IRS2: variants seen among roughly 807,000 people sequenced by gnomAD.
The protein encoded by IRS2 is insulin receptor substrate 2.
In IRS2, 28 loss-of-function variants were observed where a neutral mutation model predicts 70.9. The observed-to-expected ratio is 0.39, with a 90% CI of 0.29 to 0.54. IRS2 has a LOEUF of 0.54. Among genes scored for constraint, IRS2 ranks in the 20% least tolerant of loss-of-function variants. The pLI is 0.59. For synonymous variants in IRS2, 1,217 were observed against 981.9 expected, an observed-to-expected ratio of 1.24 and a Z score of -4.48; for missense variants, 2,081 against 2,024.1, an observed-to-expected ratio of 1.03 and a Z score of -0.54.
chr13:109,758,235 A>G (rs1175906220), intron 1 of IRS2, among the ~76,000 whole-genome samples: 1 of 150,252 alleles, frequency 6.7e-6, no homozygotes, highest in East Asian at 2.0e-4. Context: ...ATGAGCTTGC[A>G]TTTTGTCCCT....
In IRS2 at chr13:109,785,574, G is replaced by A. The variant is rs1351813771; in HGVS notation, c.480C>T (p.Ala160=). The part of the protein sequence containing the change: ...AGDAPPAAAP[A]ASCSASLPGA... Reference sequence around the variant, plus strand: ...CGGGCAGGGAGGCGCTGCAGGACGCGGCGGGCGCGGCGGCGGGGGGCGCGT... The same window carrying A: ...CGGGCAGGGAGGCGCTGCAGGACGCAGCGGGCGCGGCGGCGGGGGGCGCGT... The change falls in exon 1 of 2, where the codon GCC becomes GCT. Residue 160 remains alanine (A), a synonymous_variant. Transcript: ENST00000375856. The surrounding 1 kb of genome is among the most constrained non-coding windows in gnomAD (Gnocchi z 9.3). The A allele has an allele frequency of 1.5e-6, 2 of 1,300,608 alleles. No individual in the cohort carries two copies. The highest frequency in any genetic ancestry group is 3.2e-5 in the East Asian group (1 of 30,818). The allele number at this position is 1,300,608 out of a possible 1,614,324, so 80.6% of individuals were successfully genotyped here.
rs1442550732 is a variant in IRS2, at chr13:109,784,485, G to T, written c.1569C>A (p.Ser523=). The T allele has an allele frequency of 6.4e-7, 1 of 1,572,636 alleles. No individual in the cohort carries two copies. Among genetic ancestry groups the T allele is most frequent in the Non-Finnish European group, 8.6e-7 (1 of 1,157,474 alleles). Residue 523 remains serine, a synonymous_variant, in exon 1 of 2, where the codon TCC becomes TCA. Coordinates refer to ENST00000375856, the MANE Select transcript of IRS2 (RefSeq NM_003749.3). This position sits in a 1 kb window ranked among gnomAD's most constrained non-coding sequence, Gnocchi z 5.2. The part of the protein sequence containing the change: ...FCSHRSNTPE[S]IAETPPARDG... ...CTCGGGCCGGGGGCGTCTCCGCGAT[G>T]GACTCGGGCGTGTTGCTTCGGTGGC...
intron 1 of IRS2, among the ~76,000 whole-genome samples, chr13:109,776,710 G>A (rs1274543926): frequency 2.6e-5 from 4 of 152,194 alleles, no homozygotes; most frequent in Non-Finnish European, 5.9e-5. Flanking sequence ...GAAAGAAATT[G>A]AAATCAGTAG....
chr13:109,759,219 A>G (rs751013312), intron 1 of IRS2, among the ~76,000 whole-genome samples: 1 of 152,138 alleles, frequency 6.6e-6, no homozygotes, highest in Non-Finnish European at 1.5e-5. Flanking sequence ...TTCACGGTAA[A>G]GCGAGAACTG....
In IRS2 at chr13:109,756,224, G is replaced by A. The variant is rs1877104639; in HGVS notation, c.*80C>T. 6.5e-6 allele frequency: 8 copies of A among 1,229,368 alleles called. No individual in the cohort carries two copies. Among genetic ancestry groups the A allele is most frequent in the South Asian group, 1.2e-5 (1 of 83,190 alleles). The allele number at this position is 1,229,368 out of a possible 1,614,324, so 76.2% of individuals were successfully genotyped here. A position where few individuals can be genotyped will look rare whatever the true frequency, so the allele number is the denominator to read the frequency against. The stretch of plus-strand genomic sequence containing the variant: ...CCAAAAGAAAACTGCAAGCAGCTTC[G>A]GGCTGAAACAGTGCTGAGCGTCTTC... On this transcript the variant is annotated 3_prime_UTR_variant, in exon 2 of 2. Coordinates refer to ENST00000375856, the MANE Select transcript of IRS2 (RefSeq NM_003749.3).
intron 1 of IRS2, among the ~76,000 whole-genome samples, chr13:109,773,106 A>G (rs1877494014): frequency 6.6e-6 from 1 of 152,210 alleles, no homozygotes; most frequent in Non-Finnish European, 1.5e-5. Flanking sequence ...GAATAATGGC[A>G]GCTTCTGTGA....
rs1205903803 is a variant in IRS2, at chr13:109,755,534, T to TC, written c.*769dup. The TC allele has an allele frequency of 5.3e-5, 11 of 209,408 alleles. No homozygotes were observed. Among genetic ancestry groups the TC allele is most frequent in the African/African-American group, 2.3e-4 (10 of 44,016 alleles). The allele number at this position is 209,408 out of a possible 1,614,324, so 13.0% of individuals were successfully genotyped here. On this transcript the variant is annotated 3_prime_UTR_variant, in exon 2 of 2. Transcript: ENST00000375856. ...TCATCCCCTTCCCAAAGCCCTTCCC[T>TC]CCCACCTCCCACTACCCAATACAGT...
intron 1 of IRS2, among the ~76,000 whole-genome samples, chr13:109,776,305 A>G (rs529564859): frequency 1.3e-4 from 20 of 152,378 alleles, no homozygotes; most frequent in African/African-American, 4.6e-4. Flanking sequence ...CCTTGTGTAT[A>G]TAGATATCAT....
intron 1 of IRS2, among the ~76,000 whole-genome samples, chr13:109,760,880 G>A (rs73606290): frequency 0.048 from 7,379 of 152,252 alleles, 531 homozygotes; most frequent in African/African-American, 0.16. Context: ...CATGTCACAC[G>A]GAGCTGGGCA....
chr13:109,758,667 C>T (rs760937674), intron 1 of IRS2, among the ~76,000 whole-genome samples: 3 of 151,846 alleles, frequency 2.0e-5, no homozygotes, highest in East Asian at 3.9e-4. Context: ...GTTATCAAAA[C>T]GTTAATTTCT....
intron 1 of IRS2, among the ~76,000 whole-genome samples, chr13:109,763,203 T>C (rs1422303212): frequency 4.6e-5 from 7 of 152,192 alleles, no homozygotes; most frequent in African/African-American, 1.7e-4. Flanking sequence ...AACAGGCAAA[T>C]TTGTCAGAAA....
rs946097253 is a variant in IRS2, at chr13:109,755,743, T to C, written c.*561A>G. On this transcript the variant is annotated 3_prime_UTR_variant, in exon 2 of 2. Coordinates refer to ENST00000375856, the MANE Select transcript of IRS2 (RefSeq NM_003749.3). ...AACAAGCAGCTGTCTACTTGGACCA[T>C]TTCAATAAGGCCGAGGACCGCGCTC... The C allele has an allele frequency of 1.5e-4, 31 of 206,878 alleles. No individual in the cohort carries two copies. Among genetic ancestry groups the C allele is most frequent in the Admixed American group, 7.6e-4 (13 of 17,056 alleles). The allele number at this position is 206,878 out of a possible 1,614,324, so 12.8% of individuals were successfully genotyped here.
rs1346601184 is a variant in IRS2 at position 109,785,058 on chromosome 13, G to C, written c.996C>G (p.Pro332=). Reference sequence around the variant, plus strand: ...GGCGCACCAGGCCCGTCTGGCTGGGGGGCAGGTTGACCAGGTGGTGGTGGC... The same window carrying C: ...GGCGCACCAGGCCCGTCTGGCTGGGCGGCAGGTTGACCAGGTGGTGGTGGC... The part of the protein sequence containing the change: ...ARRHHHLVNL[P]PSQTGLVRRS... The change falls in exon 1 of 2, where the codon CCC becomes CCG. Residue 332 remains proline, a synonymous_variant. Coordinates refer to ENST00000375856, the MANE Select transcript of IRS2 (RefSeq NM_003749.3). The surrounding 1 kb of genome is among the most constrained non-coding windows in gnomAD (Gnocchi z 9.3). 1 of 1,563,428 alleles carries C rather than the reference G, an allele frequency of 6.4e-7. No homozygotes were observed. The highest frequency in any genetic ancestry group is 1.2e-5 in the South Asian group (1 of 85,956).
Position 109,785,589 on chromosome 13 carries a change from G to T in IRS2, c.465C>A (p.Pro155=). Residue 155 remains proline (P), a synonymous_variant, in exon 1 of 2, where the codon CCC becomes CCA. Transcript: ENST00000375856. The surrounding 1 kb of genome is among the most constrained non-coding windows in gnomAD (Gnocchi z 9.3). Reference sequence around the variant, plus strand: ...TGCAGGACGCGGCGGGCGCGGCGGCGGGGGGCGCGTCTCCGGCGGCCGCGC... The same window carrying T: ...TGCAGGACGCGGCGGGCGCGGCGGCTGGGGGCGCGTCTCCGGCGGCCGCGC... ...EGRAAAGDAP[P]AAAPAASCSA... The T allele has an allele frequency of 7.5e-7, 1 of 1,333,244 alleles. No homozygotes were observed. Among genetic ancestry groups the T allele is most frequent in the Non-Finnish European group, 9.6e-7 (1 of 1,041,210 alleles). 82.6% of individuals were successfully genotyped at this position (1,333,244 alleles called of 1,614,324 possible).
Position 109,786,066 on chromosome 13 carries a change from A to G in IRS2, c.-13T>C. On this transcript the variant is annotated 5_prime_UTR_variant, in exon 1 of 2. Transcript: ENST00000375856. This position sits in a 1 kb window ranked among gnomAD's most constrained non-coding sequence, Gnocchi z 4.4. Reference sequence around the variant, plus strand: ...GCGGGCTCGCCATCGCGGGCGCTTCAGGCCGCGCGGCCCGGGCCCGGCGCC... The same window carrying G: ...GCGGGCTCGCCATCGCGGGCGCTTCGGGCCGCGCGGCCCGGGCCCGGCGCC... The G allele has an allele frequency of 8.7e-7, 1 of 1,145,996 alleles. No individual in the cohort carries two copies. The highest frequency in any genetic ancestry group is 1.1e-6 in the Non-Finnish European group (1 of 940,444). 71.0% of individuals were successfully genotyped at this position (1,145,996 alleles called of 1,614,324 possible).
chr13:109,783,625 T>G lies in IRS2; in HGVS notation c.2429A>C (p.Tyr810Ser), dbSNP rs1171816938. ...GCCYSSLPRS[Y>S]KAPYTCGGDS... ...CCCGCCACAGGTGTAGGGGGCCTTG[T>G]AGGAGCGGGGCAAGGAGCTGTAGCA... Residue 810 changes from tyrosine to serine, a missense_variant, in exon 1 of 2, where the codon TAC becomes TCC. Physicochemically the swap from Tyr to Ser is moderately radical, Grantham distance 144. Transcript: ENST00000375856. The G allele has an allele frequency of 6.5e-7, 1 of 1,549,800 alleles. No individual in the cohort carries two copies. Among genetic ancestry groups the G allele is most frequent in the African/African-American group, 1.4e-5 (1 of 73,228 alleles).
intron 1 of IRS2, among the ~76,000 whole-genome samples, chr13:109,779,952 C>T (rs1266855455): frequency 2.0e-5 from 3 of 152,166 alleles, no homozygotes; most frequent in African/African-American, 7.2e-5. Context: ...TTTTCACTAG[C>T]CTGAAAAGGG....
At chr13:109,779,303 G>C (rs555175187) in intron 1 of IRS2, among the ~76,000 whole-genome samples, 1 of 152,342 alleles carries the variant, frequency 6.6e-6, no homozygotes, top group African/African-American at 2.4e-5. Context: ...GCTCAGGGTG[G>C]AAACACAGGC....
chr13:109,772,612 T>C (rs528502584), intron 1 of IRS2, among the ~76,000 whole-genome samples: 5 of 151,856 alleles, frequency 3.3e-5, no homozygotes, highest in Non-Finnish European at 7.4e-5. Context: ...CTCTTGATGC[T>C]GAGAGGCCTG....
Sources: allele counts gnomAD v4.1 joint callset (sites outside exome capture counted in the v4.1 genomes callset), GRCh38; gene constraint gnomAD v4.1.1; non-coding constraint Gnocchi (gnomAD v3.1); transcripts MANE v1.5; gene names NCBI Gene and HGNC (gene_info 2026-07-23, HGNC 2026-07-21).